The following NUPR1 variants were observed in gnomAD, a reference collection of about 807,000 sequenced individuals.
The protein encoded by NUPR1 is nuclear protein 1.
NUPR1 carries 8 observed loss-of-function variants against 7.3 expected under a neutral mutation model. The ratio of observed to expected loss-of-function variants is 1.09; its 90% confidence interval spans 0.64 to 1.97. The LOEUF is 1.97. NUPR1 is among the 30% of genes most tolerant of loss of function. The probability of loss-of-function intolerance (pLI) is 0.00; values close to 1 mark genes in which losing one functional copy is unlikely to be tolerated. For synonymous variants in NUPR1, 39 were observed against 44.5 expected (o/e 0.88, Z 0.49); for missense variants, 96 against 111.7 (o/e 0.86, Z 0.63).
rs1336140327 is a variant in NUPR1, at chr16:28,535,612, CTT to C, written c.*2069_*2070del. On this transcript the variant is annotated 3_prime_UTR_variant, in exon 3 of 3. Transcript: ENST00000324873. Reference sequence around the variant, plus strand: ...TCTTTCTTTCTTTCTTTCTTTCTTTCTTTCTTTCTTCTCTTTCTCTCTCTTTC... The same window carrying C: ...TCTTTCTTTCTTTCTTTCTTTCTTTCTCTTTCTTCTCTTTCTCTCTCTTTC... 9.7e-5 allele frequency: 1 copy of C among 10,356 alleles called. No homozygotes were observed. Among genetic ancestry groups the C allele is most frequent in the African/African-American group, 1.5e-4 (1 of 6,504 alleles). The allele number at this position is 10,356 out of a possible 1,614,324, so 0.6% of individuals were successfully genotyped here. A position where few individuals can be genotyped will look rare whatever the true frequency, so the allele number is the denominator to read the frequency against.
chr16:28,538,597 G>A (rs574024253), intron 1 of NUPR1, 199 bp downstream of exon 1: 3 of 679,674 alleles, frequency 4.4e-6, no homozygotes, highest in Non-Finnish European at 8.1e-6. Flanking sequence ...TTGAGCCCAG[G>A]AGTTCGAGGC....
At chr16:28,538,607 C>T (rs556758453) in intron 1 of NUPR1, 189 bp downstream of exon 1, 5 of 688,642 alleles carry the variant, frequency 7.3e-6, no homozygotes, top group South Asian at 1.5e-5. Flanking sequence ...GAGTTCGAGG[C>T]TGCGGTGAGT....
rs2046595342 is a variant in NUPR1 at position 28,533,886 on chromosome 16, A to C, written c.*3797T>G. 6.6e-6 allele frequency: 1 copy of C among 152,412 alleles called. No homozygotes were observed. 9.4% of individuals were successfully genotyped at this position (152,412 alleles called of 1,614,324 possible). A position where few individuals can be genotyped will look rare whatever the true frequency, so the allele number is the denominator to read the frequency against. On this transcript the variant is annotated 3_prime_UTR_variant, in exon 3 of 3. Transcript: ENST00000324873. ...TGTGGCTCAAGCCTGTAATCCCAAC[A>C]CTTTGGGAGGCCAAGGCAGGCAGAT... is the stretch of plus-strand genomic sequence containing the variant.
At chr16:28,538,535 T>C (rs1351580012) in intron 1 of NUPR1, 1 of 610,118 alleles carries the variant, frequency 1.6e-6, no homozygotes, top group African/African-American at 1.8e-5. Flanking sequence ...CCACTGCAGG[T>C]GGTGTACACC....
chr16:28,538,962 C>T lies in NUPR1; in HGVS notation c.-55G>A. The T allele has an allele frequency of 6.8e-7, 1 of 1,469,894 alleles. No homozygotes were observed. The highest frequency in any genetic ancestry group is 1.2e-5 in the South Asian group (1 of 85,934). 91.1% of individuals were successfully genotyped at this position (1,469,894 alleles called of 1,614,324 possible). ...TCTTCTCCTAACGCTTTGTCTGTCT[C>T]TGCTTTCCTGGCCCCGGGCCTCTCC... On this transcript the variant is annotated 5_prime_UTR_variant, in exon 1 of 3. Coordinates refer to ENST00000324873, the MANE Select transcript of NUPR1 (RefSeq NM_012385.3).
At position 28,533,920 on chromosome 16, in the gene NUPR1, G is replaced by A. The variant is rs2046595545; in HGVS notation, c.*3763C>T. 1 of 152,206 alleles carries A rather than the reference G, an allele frequency of 6.6e-6. No individual in the cohort carries two copies. 9.4% of individuals were successfully genotyped at this position (152,206 alleles called of 1,614,324 possible). ...GGCCAAGGCAGGCAGATCACCTGAG[G>A]TCGGGAGTTTGAGACCAGCCTGGGC... On this transcript the variant is annotated 3_prime_UTR_variant, in exon 3 of 3. Coordinates refer to ENST00000324873, the MANE Select transcript of NUPR1 (RefSeq NM_012385.3).
intron 1 of NUPR1, chr16:28,538,569 C>A: frequency 1.5e-6 from 1 of 653,686 alleles, no homozygotes; most frequent in Non-Finnish European, 2.8e-6. Context: ...ACTCAGGAGG[C>A]TGAAGCAGGA....
chr16:28,535,579 T>TCTTTC lies in NUPR1; in HGVS notation c.*2099_*2103dup, dbSNP rs1567277520. 5.9e-3 allele frequency: 230 copies of TCTTTC among 39,062 alleles called. 1 individual carries two copies. Among genetic ancestry groups the TCTTTC allele is most frequent in the East Asian group, 0.021 (13 of 606 alleles). 2.4% of individuals were successfully genotyped at this position (39,062 alleles called of 1,614,324 possible). Reference sequence around the variant, plus strand: ...TCTTTCTTTCCTTCCTTCCTTTCTTTCTTTCTTTCTTTCTTTCTTTCTTTC... The same window carrying TCTTTC: ...TCTTTCTTTCCTTCCTTCCTTTCTTTCTTTCCTTTCTTTCTTTCTTTCTTTCTTTC... On this transcript the variant is annotated 3_prime_UTR_variant, in exon 3 of 3. Transcript: ENST00000324873.
rs1294500285 is a variant in NUPR1 at position 28,535,968 on chromosome 16, C to T, written c.*1715G>A. 6.6e-6 allele frequency: 1 copy of T among 152,180 alleles called. No homozygotes were observed. The highest frequency in any genetic ancestry group is 1.5e-5 in the Non-Finnish European group (1 of 68,120). 9.4% of individuals were successfully genotyped at this position (152,180 alleles called of 1,614,324 possible). On this transcript the variant is annotated 3_prime_UTR_variant, in exon 3 of 3. Transcript: ENST00000324873. ...TCAAGCGATCCTCCCTCCTTGGCCTCCCAAAGGCTGGAAGGCTGAGGTGGG... is the reference window on the plus strand; with the variant it reads ...TCAAGCGATCCTCCCTCCTTGGCCTTCCAAAGGCTGGAAGGCTGAGGTGGG...
rs1555472555 is a variant in NUPR1 at position 28,535,571 on chromosome 16, C to CTTTCTTTCTTTCCTTTCTTTCTTT, written c.*2111_*2112insAAAGAAAGAAAGGAAAGAAAGAAA. 18 of 71,950 alleles carry CTTTCTTTCTTTCCTTTCTTTCTTT rather than the reference C, an allele frequency of 2.5e-4. 1 individual carries two copies. The highest frequency in any genetic ancestry group is 2.0e-3 in the Admixed American group (12 of 5,984). The allele number at this position is 71,950 out of a possible 1,614,324, so 4.5% of individuals were successfully genotyped here. Reference sequence around the variant, plus strand: ...TCTTTCTTTCTTTCTTTCCTTCCTTCCTTTCTTTCTTTCTTTCTTTCTTTC... The same window carrying CTTTCTTTCTTTCCTTTCTTTCTTT: ...TCTTTCTTTCTTTCTTTCCTTCCTTCTTTCTTTCTTTCCTTTCTTTCTTTCTTTCTTTCTTTCTTTCTTTCTTTC... On this transcript the variant is annotated 3_prime_UTR_variant, in exon 3 of 3. Transcript: ENST00000324873.
chr16:28,535,503 T>TTTTCTCTCTTTC lies in NUPR1; in HGVS notation c.*2179_*2180insGAAAGAGAGAAA. On this transcript the variant is annotated 3_prime_UTR_variant, in exon 3 of 3. Coordinates refer to ENST00000324873, the MANE Select transcript of NUPR1 (RefSeq NM_012385.3). Reference sequence around the variant, plus strand: ...TGAGCCACTGTGCCGGGGCTCGCTCTTTTCTTTCTTTCTTTCTTTCTTTCT... The same window carrying TTTTCTCTCTTTC: ...TGAGCCACTGTGCCGGGGCTCGCTCTTTTCTCTCTTTCTTTCTTTCTTTCTTTCTTTCTTTCT... The TTTTCTCTCTTTC allele has an allele frequency of 1.0e-5, 1 of 98,556 alleles. No homozygotes were observed. The highest frequency in any genetic ancestry group is 4.0e-5 in the African/African-American group (1 of 24,820). 6.1% of individuals were successfully genotyped at this position (98,556 alleles called of 1,614,324 possible).
At chr16:28,537,929 C>T in intron 2 of NUPR1, 77 bp downstream of exon 2, 1 of 1,213,076 alleles carries the variant, frequency 8.2e-7, no homozygotes. Flanking sequence ...CTCCTCCCCA[C>T]CCAATCACAC....
Position 28,535,568 on chromosome 16 carries a change from C to CTTCTTTCTTTCTTTCTTTCT in NUPR1, c.*2114_*2115insAGAAAGAAAGAAAGAAAGAA, listed in dbSNP as rs1596586532. The CTTCTTTCTTTCTTTCTTTCT allele has an allele frequency of 2.9e-5, 1 of 34,970 alleles. No homozygotes were observed. Among genetic ancestry groups the CTTCTTTCTTTCTTTCTTTCT allele is most frequent in the African/African-American group, 7.7e-5 (1 of 12,960 alleles). The allele number at this position is 34,970 out of a possible 1,614,324, so 2.2% of individuals were successfully genotyped here. On this transcript the variant is annotated 3_prime_UTR_variant, in exon 3 of 3. Transcript: ENST00000324873. ...CCTTCTTTCTTTCTTTCTTTCCTTC[C>CTTCTTTCTTTCTTTCTTTCT]TTCCTTTCTTTCTTTCTTTCTTTCT...
At position 28,533,327 on chromosome 16, in the gene NUPR1, G is replaced by A. The variant is rs1203350436; in HGVS notation, c.*4356C>T. 2.0e-5 allele frequency: 3 copies of A among 152,260 alleles called. No individual in the cohort carries two copies. Among genetic ancestry groups the A allele is most frequent in the African/African-American group, 4.8e-5 (2 of 41,460 alleles). 9.4% of individuals were successfully genotyped at this position (152,260 alleles called of 1,614,324 possible). ...GGCTTCCGTGTGATCCCAGAGGAGG[G>A]TCGGCCTGGGGTGGAGGTCAGGAGA... On this transcript the variant is annotated 3_prime_UTR_variant, in exon 3 of 3. Coordinates refer to ENST00000324873, the MANE Select transcript of NUPR1 (RefSeq NM_012385.3).
chr16:28,533,274 C>CAATCTTG lies in NUPR1; in HGVS notation c.*4408_*4409insCAAGATT, dbSNP rs1356005209. 7.9e-5 allele frequency: 12 copies of CAATCTTG among 152,178 alleles called. No homozygotes were observed. The highest frequency in any genetic ancestry group is 2.7e-4 in the African/African-American group (11 of 41,400). The allele number at this position is 152,178 out of a possible 1,614,324, so 9.4% of individuals were successfully genotyped here. A position where few individuals can be genotyped will look rare whatever the true frequency, so the allele number is the denominator to read the frequency against. On this transcript the variant is annotated 3_prime_UTR_variant, in exon 3 of 3. Coordinates refer to ENST00000324873, the MANE Select transcript of NUPR1 (RefSeq NM_012385.3). ...TTGGAGGCAAAATCTGAAGGATTTC[C>CAATCTTG]AAGGTAGACTGTAAGATTCTGGGCC...
chr16:28,533,410 TC>T lies in NUPR1; in HGVS notation c.*4272del, dbSNP rs1177269683. On this transcript the variant is annotated 3_prime_UTR_variant, in exon 3 of 3. Transcript: ENST00000324873. ...GGTTTTTGTTTTTTTGAGACAGGTCTCACTCTGACGCCCAGGCTGGAGTGAG... is the reference window on the plus strand; with the variant it reads ...GGTTTTTGTTTTTTTGAGACAGGTCTACTCTGACGCCCAGGCTGGAGTGAG... The T allele has an allele frequency of 6.6e-6, 1 of 152,234 alleles. No individual in the cohort carries two copies. The highest frequency in any genetic ancestry group is 1.9e-4 in the East Asian group (1 of 5,186). The allele number at this position is 152,234 out of a possible 1,614,324, so 9.4% of individuals were successfully genotyped here.
chr16:28,535,681 CCTTT>C lies in NUPR1; in HGVS notation c.*1998_*2001del, dbSNP rs1407306287. On this transcript the variant is annotated 3_prime_UTR_variant, in exon 3 of 3. Transcript: ENST00000324873. ...TCTCTCTTTCTTTTCTTTCTTCCTT[CCTTT>C]CTTTTCCTTCCTTCCTTCTTTTTCT... 1 of 143,786 alleles carries C rather than the reference CCTTT, an allele frequency of 7.0e-6. No homozygotes were observed. The highest frequency in any genetic ancestry group is 2.6e-5 in the African/African-American group (1 of 38,952). The allele number at this position is 143,786 out of a possible 1,614,324, so 8.9% of individuals were successfully genotyped here. A position where few individuals can be genotyped will look rare whatever the true frequency, so the allele number is the denominator to read the frequency against.
rs2046593758 is a variant in NUPR1 at position 28,533,494 on chromosome 16, T to G, written c.*4189A>C. On this transcript the variant is annotated 3_prime_UTR_variant, in exon 3 of 3. Transcript: ENST00000324873. The stretch of plus-strand genomic sequence containing the variant: ...CTCAAGAGATCCTCTCACCTCAGCC[T>G]CCTGAGTAGGTGGGCCCACAGGCAC... 6.6e-6 allele frequency: 1 copy of G among 152,392 alleles called. No individual in the cohort carries two copies. The highest frequency in any genetic ancestry group is 1.5e-5 in the Non-Finnish European group (1 of 68,218). The allele number at this position is 152,392 out of a possible 1,614,324, so 9.4% of individuals were successfully genotyped here.
chr16:28,538,135 G>A lies in NUPR1; in HGVS notation c.133C>T (p.Arg45Cys), dbSNP rs1382822708. 1 of 1,614,188 alleles carries A rather than the reference G, an allele frequency of 6.2e-7. No individual in the cohort carries two copies. The highest frequency in any genetic ancestry group is 8.5e-7 in the Non-Finnish European group (1 of 1,180,048). Residue 45 changes from arginine (R) to cysteine (C), a missense_variant, in exon 2 of 3, where the codon CGC becomes TGC. By Grantham distance (180) the Arg-to-Cys change is radical. Coordinates refer to ENST00000324873, the MANE Select transcript of NUPR1 (RefSeq NM_012385.3). ...TTGGCAGCAGCTTCTCTCTTGGTGC[G>A]ACCTTTCCGGCCTCCACCTCCTGTA... ...SYLGGGGRKG[R>C]TKREAAANTN...
Sources: allele counts gnomAD v4.1 joint callset, GRCh38; gene constraint gnomAD v4.1.1; transcripts MANE v1.5; gene names NCBI Gene and HGNC (gene_info 2026-07-23, HGNC 2026-07-21).